The following PCDHA11 variants were observed in gnomAD, a reference collection of about 807,000 sequenced individuals.
The protein encoded by PCDHA11 is protocadherin alpha 11, also known as protocadherin alpha-11.
PCDHA11 carries 61 observed loss-of-function variants against 70.3 expected under a neutral mutation model. That is an observed-to-expected ratio of 0.87 (90% CI 0.71 to 1.07). The LOEUF (loss-of-function observed/expected upper bound fraction) is 1.07. Among genes scored for constraint, PCDHA11 ranks in the 50% least tolerant of loss-of-function variants. PCDHA11 has a pLI of 0.00. For synonymous variants in PCDHA11, 633 were observed against 555.1 expected (o/e 1.14, Z -1.97); for missense variants, 1,324 against 1,237.5 (o/e 1.07, Z -1.05).
At chr5:140,898,150 G>A (rs373714901) in intron 1 of PCDHA11, among the ~76,000 whole-genome samples, 6 of 152,198 alleles carry the variant, frequency 3.9e-5, no homozygotes, top group African/African-American at 9.6e-5. Flanking sequence ...GCCTGTTCAC[G>A]CTGATGGTGG....
chr5:140,961,192 A>G (rs1322057564), intron 1 of PCDHA11, among the ~76,000 whole-genome samples: 1 of 152,170 alleles, frequency 6.6e-6, no homozygotes, highest in African/African-American at 2.4e-5. Flanking sequence ...ACAGGACCCT[A>G]GTGAGGTTGG....
intron 1 of PCDHA11, chr5:140,967,785 G>C: frequency 6.2e-7 from 1 of 1,614,176 alleles, no homozygotes; most frequent in Non-Finnish European, 8.5e-7. Flanking sequence ...GCGACTGACC[G>C]GGGTCCAGTG....
At chr5:140,985,531 C>T (rs542453995) in intron 3 of PCDHA11, among the ~76,000 whole-genome samples, 102 of 152,254 alleles carry the variant, frequency 6.7e-4, no homozygotes, top group African/African-American at 1.9e-3. Context: ...TAAAGCTTCA[C>T]GGTGAAGATG....
chr5:140,949,852 T>C (rs1311994394), intron 1 of PCDHA11, among the ~76,000 whole-genome samples: 1 of 151,956 alleles, frequency 6.6e-6, no homozygotes. Context: ...TGTTTCCGCT[T>C]ATCTGTTGTC....
chr5:141,002,681 C>T (rs556518008), intron 3 of PCDHA11, among the ~76,000 whole-genome samples: 32 of 152,154 alleles, frequency 2.1e-4, no homozygotes, highest in Non-Finnish European at 4.0e-4. Context: ...ACCTATACGA[C>T]GTGCAGATTT....
chr5:140,877,096 G>C (rs1554169320), intron 1 of PCDHA11: 1 of 1,613,378 alleles, frequency 6.2e-7, no homozygotes, highest in Non-Finnish European at 8.5e-7. Flanking sequence ...CGACGCCGGC[G>C]TGCCGCCTCT....
intron 1 of PCDHA11, among the ~76,000 whole-genome samples, chr5:140,887,688 G>GA (rs1453843716): frequency 4.2e-4 from 64 of 151,926 alleles, no homozygotes; most frequent in Middle Eastern, 3.2e-3. Context: ...TCAAATTCAG[G>GA]AAAAAATCAA....
intron 1 of PCDHA11, chr5:140,875,473 A>T: frequency 1.2e-6 from 2 of 1,606,460 alleles, no homozygotes; most frequent in Non-Finnish European, 1.7e-6. Flanking sequence ...ATTTTCTGCA[A>T]TGGTGATTAT....
intron 1 of PCDHA11, among the ~76,000 whole-genome samples, chr5:140,972,289 G>A (rs548610825): frequency 1.5e-3 from 229 of 151,134 alleles, no homozygotes; most frequent in Non-Finnish European, 2.1e-3. Flanking sequence ...ATAGATGTGC[G>A]CCACCGTGTC....
Position 140,884,327 on chromosome 5 carries a change from G to T in PCDHA11, c.2391+12833G>T, listed in dbSNP as rs1400364790. The T allele has an allele frequency of 5.6e-6, 9 of 1,613,894 alleles. No individual in the cohort carries two copies. In the African/African-American group the frequency reaches 9.3e-5, roughly 17 times the overall value. Reference sequence around the variant, plus strand: ...TTCGTCGAGGGCGTCGGCAGGCGCTGTGGGTCCAGAAGCGGCGCTGGTGGA... The same window carrying T: ...TTCGTCGAGGGCGTCGGCAGGCGCTTTGGGTCCAGAAGCGGCGCTGGTGGA... On this transcript the variant is annotated intron_variant, in intron 1 of 3. Coordinates refer to ENST00000398640, the MANE Select transcript of PCDHA11 (RefSeq NM_018902.5).
At chr5:140,969,638 G>A (rs1461834971) in intron 1 of PCDHA11, 1 of 210,658 alleles carries the variant, frequency 4.7e-6, no homozygotes, top group African/African-American at 2.4e-5. Context: ...ACAGGCCTTG[G>A]AATAGGGATT....
intron 1 of PCDHA11, among the ~76,000 whole-genome samples, chr5:140,908,825 G>A (rs1554193511): frequency 1.3e-5 from 2 of 152,252 alleles, no homozygotes; most frequent in South Asian, 2.1e-4. Flanking sequence ...TGGGTTACTC[G>A]ATAAATGGGC....
chr5:140,946,297 T>C (rs1238627119), intron 1 of PCDHA11, among the ~76,000 whole-genome samples: 5 of 151,730 alleles, frequency 3.3e-5, no homozygotes, highest in Non-Finnish European at 7.4e-5. Flanking sequence ...ACCTCACACC[T>C]GGTAGAATGG....
At chr5:140,882,208 G>C (rs1554173113) in intron 1 of PCDHA11, 2 of 1,531,598 alleles carry the variant, frequency 1.3e-6, no homozygotes, top group East Asian at 4.5e-5. Flanking sequence ...GGCCTTGAGA[G>C]ACAGTTTGAG....
Position 141,009,798 on chromosome 5 carries a change from A to G in PCDHA11, c.2711A>G (p.Asn904Ser). Residue 904 changes from asparagine (N) to serine (S), a missense_variant, in exon 4 of 4, where the codon AAC (asparagine) becomes AGC (serine). Physicochemically the swap from Asn to Ser is conservative, Grantham distance 46. Transcript: ENST00000398640. ...AIISIRQEPT[N>S]SQIDKSDFIT... The stretch of plus-strand genomic sequence containing the variant: ...ATCTCCATCCGGCAGGAGCCTACTA[A>G]CAGCCAAATTGACAAAAGTGACTTC... 2 of 1,614,116 alleles carry G rather than the reference A, an allele frequency of 1.2e-6. No homozygotes were observed. Among genetic ancestry groups the G allele is most frequent in the Non-Finnish European group, 1.7e-6 (2 of 1,180,014 alleles).
At chr5:140,927,359 A>G in intron 1 of PCDHA11, 2 of 1,613,980 alleles carry the variant, frequency 1.2e-6, no homozygotes, top group Middle Eastern at 1.6e-4. Flanking sequence ...GAGGGAAGCA[A>G]TGGGATACTA....
rs2051402857 is a variant in PCDHA11, at chr5:140,869,775, C to A, written c.672C>A (p.Gly224=). 3.1e-6 allele frequency: 5 copies of A among 1,612,980 alleles called. No homozygotes were observed. Among genetic ancestry groups the A allele is most frequent in the Non-Finnish European group, 4.2e-6 (5 of 1,179,572 alleles). Residue 224 remains glycine (G), a synonymous_variant, in exon 1 of 4, where the codon GGC becomes GGA. Transcript: ENST00000398640. ...ATDGGKPELT[G]TVRLLVQVLD... ...ACGGGGGAAAACCAGAGCTTACTGG[C>A]ACCGTTCGGCTGTTAGTCCAAGTCT... is the stretch of plus-strand genomic sequence containing the variant.
intron 1 of PCDHA11, chr5:140,876,546 T>A (rs782795906): frequency 6.2e-7 from 1 of 1,614,218 alleles, no homozygotes; most frequent in Non-Finnish European, 8.5e-7. Context: ...TGTCGCTCCC[T>A]GTGCAAGAGG....
At chr5:140,909,854 C>T (rs756812618) in intron 1 of PCDHA11, among the ~76,000 whole-genome samples, 8 of 152,186 alleles carry the variant, frequency 5.3e-5, no homozygotes, top group Non-Finnish European at 1.2e-4. Flanking sequence ...CGTTTTCGGT[C>T]CCCTGGAGTC....
Sources: gnomAD v4.1 joint callset for allele counts (sites outside exome capture counted in the v4.1 genomes callset) on GRCh38, gnomAD v4.1.1 for gene constraint, MANE v1.5 for transcripts, NCBI Gene and HGNC (gene_info 2026-07-23, HGNC 2026-07-21) for gene names.